Variants in MAP2K4 observed in about 807,000 individuals in gnomAD.
MAP2K4 encodes mitogen-activated protein kinase kinase 4, also known as dual specificity mitogen-activated protein kinase kinase 4.
A neutral mutation model predicts 48.5 loss-of-function variants in MAP2K4; 4 were observed. The ratio of observed to expected loss-of-function variants is 0.08; its 90% CI spans 0.04 to 0.19. The LOEUF is 0.19. MAP2K4 is among the 10% of genes least tolerant of loss of function. The probability of loss-of-function intolerance (pLI) is 1.00; values close to 1 mark genes in which losing one functional copy is unlikely to be tolerated. For synonymous variants in MAP2K4, 166 were observed against 173.1 expected (o/e 0.96, Z 0.32); for missense variants, 258 against 493.3 (o/e 0.52, Z 4.52).
In MAP2K4 at chr17:12,129,376, G is replaced by A. The variant is rs28921075; in HGVS notation, c.1040+89G>A. The A allele has an allele frequency of 4.9e-5, 73 of 1,489,842 alleles. No homozygotes were observed. The African/African-American group carries it at 9.8e-4, about 20-fold the overall frequency. 92.3% of individuals were successfully genotyped at this position (1,489,842 alleles called of 1,614,324 possible). A position where few individuals can be genotyped will look rare whatever the true frequency, so the allele number is the denominator to read the frequency against. ...TAGCAGCATTGGTACTTTACATGGA[G>A]GAAGGGGACCCTTGGTCACATCACC... On this transcript the variant is annotated intron_variant, in intron 9 of 10. Coordinates refer to ENST00000353533, the MANE Select transcript of MAP2K4 (RefSeq NM_003010.4).
chr17:12,079,522 T>C (rs1293834099), intron 2 of MAP2K4, among the ~76,000 whole-genome samples: 1 of 152,100 alleles, frequency 6.6e-6, no homozygotes, highest in Admixed American at 6.6e-5. Flanking sequence ...TACACAAAAA[T>C]ACGAACACTA....
At chr17:12,038,748 T>C (rs527853569) in intron 1 of MAP2K4, among the ~76,000 whole-genome samples, 2 of 152,274 alleles carry the variant, frequency 1.3e-5, no homozygotes, top group Non-Finnish European at 2.9e-5. Context: ...TAATAGTTAA[T>C]ATAGATGAGG....
intron 10 of MAP2K4, among the ~76,000 whole-genome samples, chr17:12,140,550 T>C (rs1973345040): frequency 6.6e-6 from 1 of 151,974 alleles, no homozygotes; most frequent in Non-Finnish European, 1.5e-5. Context: ...AAAAGGTGGG[T>C]TAGTGAAGCA....
chr17:12,056,718 G>A lies in MAP2K4; in HGVS notation c.218+1727G>A, dbSNP rs145753156. ...TCAGAGATAACTGTTTTATTACTTA[G>A]AACAACATTATCTCCTCTACCTTCC... is the stretch of plus-strand genomic sequence containing the variant. On this transcript the variant is annotated intron_variant, in intron 2 of 10. Coordinates refer to ENST00000353533, the MANE Select transcript of MAP2K4 (RefSeq NM_003010.4). Among the ~76,000 whole-genome samples the A allele has an allele frequency of 5.1e-3, 775 of 152,100 alleles. 4 individuals are homozygous for A. Among genetic ancestry groups the A allele is most frequent in the Non-Finnish European group, 7.7e-3 (525 of 67,926 alleles).
intron 3 of MAP2K4, among the ~76,000 whole-genome samples, chr17:12,091,210 A>G (rs1252598546): frequency 6.6e-6 from 1 of 152,232 alleles, no homozygotes; most frequent in Non-Finnish European, 1.5e-5. Context: ...ATATTATTCA[A>G]GATTTTGGTC....
chr17:12,047,084 T>G (rs192553289), intron 1 of MAP2K4, among the ~76,000 whole-genome samples: 1 of 152,266 alleles, frequency 6.6e-6, no homozygotes, highest in Non-Finnish European at 1.5e-5. Context: ...GTATTCTGGG[T>G]TAAATTTTTT....
intron 6 of MAP2K4, chr17:12,110,635 C>A: frequency 2.0e-6 from 1 of 490,310 alleles, no homozygotes; most frequent in South Asian, 3.0e-5. Flanking sequence ...GTATGTTGGA[C>A]TTAGAAACTG....
rs1287176772 is a variant in MAP2K4, at chr17:12,141,104, G to A, written c.1087-43G>A. The A allele has an allele frequency of 3.3e-6, 4 of 1,224,912 alleles. No individual in the cohort carries two copies. In the Admixed American group the frequency reaches 5.1e-5, roughly 15 times the overall value. 75.9% of individuals were successfully genotyped at this position (1,224,912 alleles called of 1,614,324 possible). On this transcript the variant is annotated intron_variant, in intron 10 of 10. Coordinates refer to ENST00000353533, the MANE Select transcript of MAP2K4 (RefSeq NM_003010.4). ...AATTGGAAAATGTTCAGTTTGGGCT[G>A]TCATACAAACTTTTGACTTTTTTGT...
intron 4 of MAP2K4, among the ~76,000 whole-genome samples, chr17:12,104,361 C>T (rs549915949): frequency 6.6e-6 from 1 of 152,126 alleles, no homozygotes; most frequent in East Asian, 1.9e-4. Flanking sequence ...ATTTTAGCCA[C>T]ATACATTGTA....
chr17:12,094,990 C>T (rs1482824674), intron 3 of MAP2K4, among the ~76,000 whole-genome samples: 1 of 152,140 alleles, frequency 6.6e-6, no homozygotes. Context: ...AGTTAAAGGA[C>T]AGAGTCCCAA....
intron 9 of MAP2K4, among the ~76,000 whole-genome samples, chr17:12,131,234 CT>C (rs11307653): frequency 0.5 from 64,974 of 130,722 alleles, 15,307 homozygotes; most frequent in Admixed American, 0.63. Flanking sequence ...GGTCACATTT[CT>C]TTTTTTTTTT....
chr17:12,080,207 A>G (rs1971145232), intron 2 of MAP2K4, among the ~76,000 whole-genome samples: 1 of 152,218 alleles, frequency 6.6e-6, no homozygotes, highest in Admixed American at 6.5e-5. Flanking sequence ...CTAATTGGAG[A>G]AAACTTTCCT....
At position 12,039,503 on chromosome 17, in the gene MAP2K4, C is replaced by A. The variant is rs922855399; in HGVS notation, c.116-15386C>A. Among the ~76,000 whole-genome samples the A allele has an allele frequency of 1.6e-4, 25 of 152,206 alleles. 1 individual carries two copies. On this transcript the variant is annotated intron_variant, in intron 1 of 10. Coordinates refer to ENST00000353533, the MANE Select transcript of MAP2K4 (RefSeq NM_003010.4). ...ATATAGCCAATCTTATTCTTCTTCC[C>A]TCCAGCTATCTCTGCTGAAATACTT...
rs533801607 is a variant in MAP2K4, at chr17:12,103,286, A to G, written c.514-4504A>G. On this transcript the variant is annotated intron_variant, in intron 4 of 10. Transcript: ENST00000353533. Reference sequence around the variant, plus strand: ...AGTCTCAAACTCCTGGCCTCAAGCCATCCTCCCACCTTGGCCCCCTAAAGC... The same window carrying G: ...AGTCTCAAACTCCTGGCCTCAAGCCGTCCTCCCACCTTGGCCCCCTAAAGC... Among the ~76,000 whole-genome samples, 12 of 150,050 alleles carry G rather than the reference A, an allele frequency of 8.0e-5. 1 individual carries two copies. Among genetic ancestry groups the G allele is most frequent in the African/African-American group, 3.0e-4 (12 of 40,674 alleles).
chr17:12,100,350 G>A (rs552912564), intron 4 of MAP2K4, among the ~76,000 whole-genome samples: 3 of 152,048 alleles, frequency 2.0e-5, no homozygotes, highest in South Asian at 2.1e-4. Context: ...TCAGTTTGTC[G>A]TCTTTCATTC....
intron 5 of MAP2K4, among the ~76,000 whole-genome samples, chr17:12,109,893 C>T (rs1039494391): frequency 3.4e-4 from 52 of 151,744 alleles, no homozygotes; most frequent in African/African-American, 1.2e-3. Flanking sequence ...TTTGAGAGGC[C>T]GAGGCAGAAG....
chr17:12,050,329 G>T (rs1970100671), intron 1 of MAP2K4, among the ~76,000 whole-genome samples: 2 of 152,184 alleles, frequency 1.3e-5, no homozygotes, highest in African/African-American at 4.8e-5. Context: ...GTGATTTGCA[G>T]AGTTCAAAGA....
At chr17:12,090,640 C>G (rs1971531678) in intron 3 of MAP2K4, among the ~76,000 whole-genome samples, 1 of 152,144 alleles carries the variant, frequency 6.6e-6, no homozygotes, top group African/African-American at 2.4e-5. Flanking sequence ...TGCGCTTTCC[C>G]ACTATCCCTT....
intron 9 of MAP2K4, among the ~76,000 whole-genome samples, chr17:12,131,414 A>AT (rs879274982): frequency 3.9e-4 from 57 of 145,610 alleles, no homozygotes; most frequent in East Asian, 3.2e-3. Flanking sequence ...CACCCAGCTA[A>AT]TTTTTTTTTT....
Sources: gnomAD v4.1 joint callset for allele counts (sites outside exome capture counted in the v4.1 genomes callset) on GRCh38, gnomAD v4.1.1 for gene constraint, MANE v1.5 for transcripts, NCBI Gene and HGNC (gene_info 2026-07-23, HGNC 2026-07-21) for gene names.